The following PTPRZ1 variants were observed in gnomAD, a reference collection of about 807,000 sequenced individuals.
The protein encoded by PTPRZ1 is protein tyrosine phosphatase receptor type Z1.
In PTPRZ1, 82 loss-of-function variants were observed where a neutral mutation model predicts 214.1. That is an observed-to-expected ratio of 0.38 (90% CI 0.32 to 0.46). PTPRZ1 has a LOEUF of 0.46. PTPRZ1 is among the 20% of genes least tolerant of loss of function. The pLI, the probability that PTPRZ1 is intolerant of heterozygous loss-of-function variation, is 1.00. For missense variants in PTPRZ1, 2,603 were observed against 2,748.7 expected (o/e 0.95, Z 1.19); for synonymous variants, 945 against 987.9 (o/e 0.96, Z 0.81).
At chr7:122,036,463 C>G (rs1045882881) in intron 17 of PTPRZ1, 137 bp from the exon 18 acceptor site, 3 of 620,422 alleles carry the variant, frequency 4.8e-6, no homozygotes, top group African/African-American at 3.7e-5. Context: ...TCTCTGTATC[C>G]CCAAAAAGCC....
At chr7:121,963,688 A>G (rs912101334) in intron 2 of PTPRZ1, among the ~76,000 whole-genome samples, 1 of 152,142 alleles carries the variant, frequency 6.6e-6, no homozygotes, top group African/African-American at 2.4e-5. Context: ...TGCTCTCTAG[A>G]AGGGAAAGGC....
intron 15 of PTPRZ1, 40 bp from the exon 16 acceptor site, chr7:122,034,055 T>C: frequency 6.4e-7 from 1 of 1,550,434 alleles, no homozygotes; most frequent in South Asian, 1.1e-5. Context: ...TGCTGTGGAA[T>C]TTGATTTCTT....
intron 28 of PTPRZ1, 147 bp downstream of exon 28, chr7:122,059,089 C>G: frequency 2.6e-6 from 2 of 757,372 alleles, no homozygotes; most frequent in Non-Finnish European, 3.7e-6. Context: ...ATAAAGTTAA[C>G]ACAGAACATT....
In PTPRZ1 at chr7:122,023,495, TTA is replaced by T. The variant is rs201152267; in HGVS notation, c.4988+4235_4988+4236del. On this transcript the variant is annotated intron_variant, in intron 13 of 29. Coordinates refer to ENST00000393386, the MANE Select transcript of PTPRZ1 (RefSeq NM_002851.3). ...TATATATATATAATTTTATATATAA[TTA>T]TATATATGTATAATTTTATATATAA... 8.6e-3 allele frequency among the ~76,000 whole-genome samples: 1,147 copies of T among 133,938 alleles called. 8 individuals are homozygous for T. Among genetic ancestry groups the T allele is most frequent in the Non-Finnish European group, 0.012 (795 of 64,682 alleles). The allele number at this position is 133,938 out of a possible 152,430, so 87.9% of individuals were successfully genotyped here. A position where few individuals can be genotyped will look rare whatever the true frequency, so the allele number is the denominator to read the frequency against.
chr7:121,873,189 A>C lies in PTPRZ1; in HGVS notation c.-311A>C. The C allele has an allele frequency of 2.4e-6, 1 of 412,702 alleles. No homozygotes were observed. The allele number at this position is 412,702 out of a possible 1,614,324, so 25.6% of individuals were successfully genotyped here. On this transcript the variant is annotated 5_prime_UTR_variant, in exon 1 of 30. Transcript: ENST00000393386. ...CCGCGGCCGCCGCAGCCGGCGAAAG[A>C]GGCAAAGTCCCGCACGCCGGAGGAC...
At position 121,937,394 on chromosome 7, in the gene PTPRZ1, G is replaced by A. The variant is rs145448622; in HGVS notation, c.124+9173G>A. On this transcript the variant is annotated intron_variant, in intron 2 of 29. Coordinates refer to ENST00000393386, the MANE Select transcript of PTPRZ1 (RefSeq NM_002851.3). Reference sequence around the variant, plus strand: ...GAGGGCAGAGTGGAGCCTGGCACCAGGAGGAGCAGGTTCCCAGTTCATTGT... The same window carrying A: ...GAGGGCAGAGTGGAGCCTGGCACCAAGAGGAGCAGGTTCCCAGTTCATTGT... Among the ~76,000 whole-genome samples, 79 of 152,242 alleles carry A rather than the reference G, an allele frequency of 5.2e-4. No individual in the cohort carries two copies. In the East Asian group the frequency reaches 0.015, roughly 28 times the overall value.
intron 1 of PTPRZ1, among the ~76,000 whole-genome samples, chr7:121,920,227 T>C (rs1318659456): frequency 6.6e-6 from 1 of 152,178 alleles, no homozygotes; most frequent in Non-Finnish European, 1.5e-5. Context: ...GCACAGCAGA[T>C]GTTCTTGCTC....
intron 2 of PTPRZ1, among the ~76,000 whole-genome samples, chr7:121,951,436 C>T (rs773692114): frequency 2.0e-5 from 3 of 152,190 alleles, no homozygotes; most frequent in Non-Finnish European, 4.4e-5. Flanking sequence ...ATGTGAACAC[C>T]TTTCAGAAGT....
intron 13 of PTPRZ1, among the ~76,000 whole-genome samples, chr7:122,026,795 T>TA (rs1159290685): frequency 2.0e-5 from 3 of 152,238 alleles, no homozygotes; most frequent in Non-Finnish European, 2.9e-5. Flanking sequence ...GTCATTGCTT[T>TA]AAGTTTTTTG....
At chr7:121,878,518 C>T (rs970335356) in intron 1 of PTPRZ1, among the ~76,000 whole-genome samples, 1 of 152,136 alleles carries the variant, frequency 6.6e-6, no homozygotes, top group South Asian at 2.1e-4. Context: ...CATGATGGGG[C>T]CTTTGGTAGA....
At chr7:121,930,595 A>G (rs1280969199) in intron 2 of PTPRZ1, among the ~76,000 whole-genome samples, 2 of 152,148 alleles carry the variant, frequency 1.3e-5, no homozygotes, top group Admixed American at 1.3e-4. Flanking sequence ...CACTGACTCT[A>G]AAAATCTAGT....
intron 1 of PTPRZ1, among the ~76,000 whole-genome samples, chr7:121,890,579 A>G (rs1306752141): frequency 6.6e-6 from 1 of 152,178 alleles, no homozygotes; most frequent in African/African-American, 2.4e-5. Context: ...TGTTTAACTC[A>G]GAATAAAAGC....
intron 11 of PTPRZ1, among the ~76,000 whole-genome samples, chr7:122,006,007 G>A (rs1395997018): frequency 2.0e-5 from 3 of 151,934 alleles, no homozygotes; most frequent in African/African-American, 7.3e-5. Flanking sequence ...GCCTACAAAA[G>A]TTATTTAAAA....
chr7:122,052,932 A>G (rs771900510), intron 25 of PTPRZ1, among the ~76,000 whole-genome samples: 1 of 152,152 alleles, frequency 6.6e-6, no homozygotes, highest in Admixed American at 6.5e-5. Context: ...AAGTTTCTCT[A>G]TCAGCTTAGC....
Position 121,972,670 on chromosome 7 carries a change from A to C in PTPRZ1, c.434A>C (p.Glu145Ala), listed in dbSNP as rs150779305. 1.2e-6 allele frequency: 2 copies of C among 1,604,438 alleles called. No individual in the cohort carries two copies. Among genetic ancestry groups the C allele is most frequent in the Non-Finnish European group, 1.7e-6 (2 of 1,175,942 alleles). The change falls in exon 4 of 30, where the codon GAA becomes GCA. Residue 145 changes from glutamate (E) to alanine (A), a missense_variant. Transcript: ENST00000393386. ...MSSDGSEHSL[E>A]GQKFPLEMQI... The stretch of plus-strand genomic sequence containing the variant: ...TCTGATGGATCAGAGCATAGTTTAG[A>C]AGGACAAAAATTTCCACTTGAGGTA...
chr7:121,948,274 A>C (rs552806905), intron 2 of PTPRZ1, among the ~76,000 whole-genome samples: 1 of 152,224 alleles, frequency 6.6e-6, no homozygotes, highest in East Asian at 1.9e-4. Flanking sequence ...AAAAAGACCA[A>C]AAAAAGCAAA....
intron 22 of PTPRZ1, 73 bp from the exon 23 acceptor site, chr7:122,044,349 G>T (rs1315352668): frequency 2.0e-6 from 3 of 1,538,372 alleles, no homozygotes; most frequent in Non-Finnish European, 2.7e-6. Flanking sequence ...GTCAATGGAA[G>T]GTACTATGTT....
chr7:121,881,105 G>T (rs1794225082), intron 1 of PTPRZ1, among the ~76,000 whole-genome samples: 2 of 152,120 alleles, frequency 1.3e-5, no homozygotes, highest in South Asian at 4.1e-4. Context: ...GGGTAATTAG[G>T]TCATGAGGGT....
At chr7:121,970,056 G>GT (rs1797188516) in intron 3 of PTPRZ1, among the ~76,000 whole-genome samples, 1 of 149,950 alleles carries the variant, frequency 6.7e-6, no homozygotes, top group Admixed American at 6.7e-5. Flanking sequence ...GCGGTGTTTG[G>GT]TTTTTTGTCC....
Sources: allele counts gnomAD v4.1 joint callset (sites outside exome capture counted in the v4.1 genomes callset), GRCh38; gene constraint gnomAD v4.1.1; transcripts MANE v1.5; gene names NCBI Gene and HGNC (gene_info 2026-07-23, HGNC 2026-07-21).